The following MYH8 variants were observed in gnomAD, a reference collection of about 807,000 sequenced individuals.
MYH8 encodes myosin-8.
MYH8 carries 168 observed loss-of-function variants against 233.2 expected under a neutral mutation model. That is an observed-to-expected ratio of 0.72 (90% CI 0.64 to 0.82). The LOEUF (loss-of-function observed/expected upper bound fraction) is 0.82, where lower values mean the gene tolerates loss of function less well. MYH8 is among the 40% of genes least tolerant of loss of function. The pLI, the probability that MYH8 is intolerant of heterozygous loss-of-function variation, is 0.00. For missense variants in MYH8, 1,995 were observed against 2,327.8 expected, an observed-to-expected ratio of 0.86 and a Z score of 2.94; for synonymous variants, 785 against 850.6, an observed-to-expected ratio of 0.92 and a Z score of 1.34.
At position 10,396,315 on chromosome 17, in the gene MYH8, C is replaced by T. The variant is rs200656694; in HGVS notation, c.4653+15G>A. On this transcript the variant is annotated intron_variant, in intron 33 of 39. Coordinates refer to ENST00000403437, the MANE Select transcript of MYH8 (RefSeq NM_002472.3). This position sits in a 1 kb window ranked among gnomAD's most constrained non-coding sequence, Gnocchi z 4.2. Reference sequence around the variant, plus strand: ...GTCTTTGTTTTTCCATAACATAATACAAGGTAATATGTACCTCTGCTTCCT... The same window carrying T: ...GTCTTTGTTTTTCCATAACATAATATAAGGTAATATGTACCTCTGCTTCCT... 2 of 1,613,488 alleles carry T rather than the reference C, an allele frequency of 1.2e-6. No homozygotes were observed. Among genetic ancestry groups the T allele is most frequent in the East Asian group, 4.5e-5 (2 of 44,876 alleles).
Position 10,409,427 on chromosome 17 carries a change from A to C in MYH8, c.1749T>G (p.Ile583Met). 1.9e-6 allele frequency: 3 copies of C among 1,614,222 alleles called. No individual in the cohort carries two copies. Among genetic ancestry groups the C allele is most frequent in the Non-Finnish European group, 2.5e-6 (3 of 1,180,046 alleles). Residue 583 changes from isoleucine (I) to methionine (M), a missense_variant, in exon 16 of 40, where the codon ATT becomes ATG. Transcript: ENST00000403437. ...TGTAGTCCACAGTGCCAGCATAGTG[A>C]ATCAGAGAGAAGTGGGCCTCAGCCT... ...KGKAEAHFSL[I>M]HYAGTVDYNI...
At chr17:10,402,054 C>T (rs2072148127) in intron 22 of MYH8, among the ~76,000 whole-genome samples, 1 of 152,102 alleles carries the variant, frequency 6.6e-6, no homozygotes, top group South Asian at 2.1e-4. Context: ...AGTGGAAAGA[C>T]CTCTAAATCG....
In MYH8 at chr17:10,398,649, G is replaced by A; in HGVS notation, c.3982-9C>T. On this transcript the variant is annotated splice_polypyrimidine_tract_variant and intron_variant, in intron 29 of 39. Coordinates refer to ENST00000403437, the MANE Select transcript of MYH8 (RefSeq NM_002472.3). The stretch of plus-strand genomic sequence containing the variant: ...GCCAGGGCGTTCTTGGCCTGCAGAA[G>A]TAGCAGTTCAGTGACATAAATTCAT... 1 of 1,614,216 alleles carries A rather than the reference G, an allele frequency of 6.2e-7. No homozygotes were observed. Among genetic ancestry groups the A allele is most frequent in the Non-Finnish European group, 8.5e-7 (1 of 1,180,046 alleles).
At position 10,398,809 on chromosome 17, in the gene MYH8, G is replaced by A. The variant is rs1378429212; in HGVS notation, c.3940C>T (p.Gln1314Ter). ...LSRSKQASTQQIEELKHQLEE... is the reference protein window; with the variant it reads ...LSRSKQASTQ The stretch of plus-strand genomic sequence containing the variant: ...AGTTGATGTTTCAGCTCTTCAATCT[G>A]CTGAGTAGATGCTTGCTTGCTCCTT... The change falls in exon 29 of 40, where the codon CAG becomes TAG. Residue 1314 changes from glutamine (Q) to a stop codon, truncating the protein, a stop_gained. Transcript: ENST00000403437. LOFTEE classifies it high-confidence loss of function. The A allele has an allele frequency of 6.2e-7, 1 of 1,613,864 alleles. No individual in the cohort carries two copies. The highest frequency in any genetic ancestry group is 2.2e-5 in the East Asian group (1 of 44,894).
Position 10,406,169 on chromosome 17 carries a change from G to C in MYH8, c.2304C>G (p.Phe768Leu), listed in dbSNP as rs775934311. The C allele has an allele frequency of 6.2e-7, 1 of 1,614,024 alleles. No homozygotes were observed. The highest frequency in any genetic ancestry group is 8.5e-7 in the Non-Finnish European group (1 of 1,179,990). Residue 768 changes from phenylalanine to leucine, a missense_variant, in exon 21 of 40, where the codon TTC becomes TTG. Around this residue, in one of 3 missense-constraint regions of MYH8, gnomAD observed 1,498 missense variants for 1,680.9 expected, o/e 0.89. Transcript: ENST00000403437. ...CCAGAAGACCCAGAAGTCCAGCTTT[G>C]AAGAAAACCTGGAGAAAGAGAGAGT... ...QYKFGHTKVF[F>L]KAGLLGLLEE... is the part of the protein sequence containing the mutation.
intron 35 of MYH8, among the ~76,000 whole-genome samples, chr17:10,393,927 CT>C (rs1250395517): frequency 1.4e-5 from 2 of 142,152 alleles, no homozygotes; most frequent in Non-Finnish European, 3.0e-5. Flanking sequence ...CAATAGTATT[CT>C]ACCTCATGGT....
Position 10,396,335 on chromosome 17 carries a change from C to T in MYH8, c.4648G>A (p.Ala1550Thr). 1.2e-6 allele frequency: 2 copies of T among 1,613,976 alleles called. No homozygotes were observed. The highest frequency in any genetic ancestry group is 1.7e-6 in the Non-Finnish European group (2 of 1,180,000). Reference sequence around the variant, plus strand: ...TAATACAAGGTAATATGTACCTCTGCTTCCTCTAAAGCAGCCTGAATTTCA... The same window carrying T: ...TAATACAAGGTAATATGTACCTCTGTTTCCTCTAAAGCAGCCTGAATTTCA... ...KCEIQAALEE[A>T]EASLEHEEGK... is the part of the protein sequence containing the mutation. Residue 1550 changes from alanine (A) to threonine (T), a missense_variant, in exon 33 of 40, where the codon GCA (alanine) becomes ACA (threonine). This residue lies in a region of MYH8 where 1,498 missense variants were observed against 1,680.9 expected (regional missense o/e 0.89). Coordinates refer to ENST00000403437, the MANE Select transcript of MYH8 (RefSeq NM_002472.3). This position sits in a 1 kb window ranked among gnomAD's most constrained non-coding sequence, Gnocchi z 4.2.
At chr17:10,412,042 C>T (rs1476246380) in intron 14 of MYH8, among the ~76,000 whole-genome samples, 1 of 152,136 alleles carries the variant, frequency 6.6e-6, no homozygotes, top group Non-Finnish European at 1.5e-5. Context: ...TTGTCTTATG[C>T]ACCTGTGGGA....
Position 10,401,363 on chromosome 17 carries a change from TG to T in MYH8, c.3019del (p.Gln1007SerfsTer17), listed in dbSNP as rs750008371. 195 of 1,614,050 alleles carry T rather than the reference TG, an allele frequency of 1.2e-4. No individual in the cohort carries two copies. Among genetic ancestry groups the T allele is most frequent in the Admixed American group, 2.3e-4 (14 of 59,994 alleles). On this transcript the variant is annotated frameshift_variant, in exon 24 of 40. Coordinates refer to ENST00000403437, the MANE Select transcript of MYH8 (RefSeq NM_002472.3). LOFTEE classifies it high-confidence loss of function. The stretch of plus-strand genomic sequence containing the variant: ...TGCCTGCAGGTCATCCAGGGTCTGC[TG>T]GTGGGTCTCTTGGAGAGCCTTCTTC... ...KEKKALQETHQQTLDDLQAEE... is the reference protein window; with the variant it reads ...KEKKALQETHXQTLDDLQAEE...
rs755926476 is a variant in MYH8 at position 10,412,727 on chromosome 17, G to A, written c.1149C>T (p.Val383=). 1.6e-5 allele frequency: 25 copies of A among 1,607,622 alleles called. No homozygotes were observed. In the South Asian group the frequency reaches 1.8e-4, roughly 11 times the overall value. ...EEQAEPDGTE[V]ADKAAYLQSL... is the part of the protein sequence containing the mutation. ...TCTGGAGATAGGCTGCCTTGTCAGC[G>A]ACTGCAGAGACACAGTTCAGGACAT... The change falls in exon 13 of 40, where the codon GTC becomes GTT. Residue 383 remains valine (V), a splice_region_variant and synonymous_variant. Coordinates refer to ENST00000403437, the MANE Select transcript of MYH8 (RefSeq NM_002472.3).
At chr17:10,416,396 A>G (rs561748081) in intron 5 of MYH8, among the ~76,000 whole-genome samples, 1 of 152,298 alleles carries the variant, frequency 6.6e-6, no homozygotes, top group East Asian at 1.9e-4. Context: ...GCTATTGTAA[A>G]TAATGCTGCT....
chr17:10,400,686 C>G lies in MYH8; in HGVS notation c.3439G>C (p.Glu1147Gln), dbSNP rs2072131155. The G allele has an allele frequency of 6.2e-7, 1 of 1,614,196 alleles. No homozygotes were observed. Reference protein sequence around the residue: ...KQRSDLSRELEEISERLEEAG... With the variant: ...KQRSDLSRELQEISERLEEAG... Reference sequence around the variant, plus strand: ...TCTTCCAGCCTCTCGCTGATCTCCTCCAGTTCCCGGGAGAGGTCAGAGCGC... The same window carrying G: ...TCTTCCAGCCTCTCGCTGATCTCCTGCAGTTCCCGGGAGAGGTCAGAGCGC... Residue 1147 changes from glutamate to glutamine, a missense_variant, in exon 27 of 40, where the codon GAG (glutamate) becomes CAG (glutamine). This residue lies in a region of MYH8 where 1,498 missense variants were observed against 1,680.9 expected (regional missense o/e 0.89). Coordinates refer to ENST00000403437, the MANE Select transcript of MYH8 (RefSeq NM_002472.3). The surrounding 1 kb of genome is among the most constrained non-coding windows in gnomAD (Gnocchi z 4.0).
rs943142697 is a variant in MYH8 at position 10,396,220 on chromosome 17, C to G, written c.4653+110G>C. 28 of 1,297,218 alleles carry G rather than the reference C, an allele frequency of 2.2e-5. No homozygotes were observed. Among genetic ancestry groups the G allele is most frequent in the African/African-American group, 2.9e-5 (2 of 68,168 alleles). 80.4% of individuals were successfully genotyped at this position (1,297,218 alleles called of 1,614,324 possible). ...TTTTAAGGATTTTGATAACTATTGC[C>G]AAGTTGTCCTTCATAAAGATCCTGT... On this transcript the variant is annotated intron_variant, in intron 33 of 39. Coordinates refer to ENST00000403437, the MANE Select transcript of MYH8 (RefSeq NM_002472.3). This position sits in a 1 kb window ranked among gnomAD's most constrained non-coding sequence, Gnocchi z 4.2.
rs913728455 is a variant in MYH8 at position 10,406,570 on chromosome 17, C to T, written c.2171+120G>A. 12 of 1,340,676 alleles carry T rather than the reference C, an allele frequency of 9.0e-6. No homozygotes were observed. The South Asian group carries it at 1.3e-4, about 14-fold the overall frequency. 83.0% of individuals were successfully genotyped at this position (1,340,676 alleles called of 1,614,324 possible). ...ATGATTTTCTGTTGCATGCCTGCTTCCTGTTATCCTTCTAACCTGTTGTAT... is the reference window on the plus strand; with the variant it reads ...ATGATTTTCTGTTGCATGCCTGCTTTCTGTTATCCTTCTAACCTGTTGTAT... On this transcript the variant is annotated intron_variant, in intron 19 of 39. Transcript: ENST00000403437.
chr17:10,398,886 C>T lies in MYH8; in HGVS notation c.3863G>A (p.Gly1288Asp), dbSNP rs2072105062. ...CTCATCTAATTGTCGAGAATATTCA[C>T]CTAGGAATAATAGACATAAGGGAAT... ...AQRARLQTEA[G>D]EYSRQLDEKD... The change falls in exon 29 of 40, where the codon GGT (glycine) becomes GAT (aspartate). Residue 1288 changes from glycine (G) to aspartate (D), a missense_variant and splice_region_variant. Transcript: ENST00000403437. The T allele has an allele frequency of 2.5e-6, 4 of 1,610,094 alleles. No homozygotes were observed. The highest frequency in any genetic ancestry group is 2.2e-5 in the South Asian group (2 of 91,022).
chr17:10,404,949 T>C (rs1384216017), intron 21 of MYH8, among the ~76,000 whole-genome samples: 1 of 152,112 alleles, frequency 6.6e-6, no homozygotes, highest in Non-Finnish European at 1.5e-5. Flanking sequence ...GTATTAGTGA[T>C]TTGAGGGTGG....
Position 10,392,988 on chromosome 17 carries a change from G to A in MYH8, c.5306C>T (p.Ala1769Val). 6.2e-7 allele frequency: 1 copy of A among 1,614,136 alleles called. No homozygotes were observed. Among genetic ancestry groups the A allele is most frequent in the South Asian group, 1.1e-5 (1 of 91,082 alleles). The change falls in exon 37 of 40, where the codon GCT (alanine) becomes GTT (valine). Residue 1769 changes from alanine to valine, a missense_variant. This residue lies in a region of MYH8 where 1,498 missense variants were observed against 1,680.9 expected (regional missense o/e 0.89). Coordinates refer to ENST00000403437, the MANE Select transcript of MYH8 (RefSeq NM_002472.3). ...KKAITDAAMM[A>V]EELKKEQDTS... Reference sequence around the variant, plus strand: ...GTCCTGTTCCTTCTTCAGCTCCTCAGCCATCATGGCAGCCTATTTAGGAAA... The same window carrying A: ...GTCCTGTTCCTTCTTCAGCTCCTCAACCATCATGGCAGCCTATTTAGGAAA...
intron 38 of MYH8, 51 bp downstream of exon 38, chr17:10,392,491 A>G (rs538855586): frequency 1.4e-5 from 21 of 1,517,854 alleles, no homozygotes; most frequent in Non-Finnish European, 1.8e-5. Context: ...AAGGTTTTCA[A>G]TTTCCTTCTG....
In MYH8 at chr17:10,412,625, G is replaced by C; in HGVS notation, c.1251C>G (p.Gly417=). The C allele has an allele frequency of 1.2e-6, 2 of 1,614,236 alleles. No individual in the cohort carries two copies. Among genetic ancestry groups the C allele is most frequent in the Non-Finnish European group, 1.7e-6 (2 of 1,180,044 alleles). Residue 417 remains glycine (G), a synonymous_variant, in exon 13 of 40, where the codon GGC becomes GGG. Coordinates refer to ENST00000403437, the MANE Select transcript of MYH8 (RefSeq NM_002472.3). ...ATGCACTTACCTGCTGCACAGTCTGGCCTTTGGTGACATACTCATTGCCAA... is the reference window on the plus strand; with the variant it reads ...ATGCACTTACCTGCTGCACAGTCTGCCCTTTGGTGACATACTCATTGCCAA... ...VKVGNEYVTK[G]QTVQQVYNAV... is the part of the protein sequence containing the mutation.
Sources: gnomAD v4.1 joint callset for allele counts (sites outside exome capture counted in the v4.1 genomes callset) on GRCh38, gnomAD v4.1.1 for gene constraint, gnomAD v4.1.1 regional missense constraint, Gnocchi (gnomAD v3.1) non-coding constraint, MANE v1.5 for transcripts, NCBI Gene and HGNC (gene_info 2026-07-23, HGNC 2026-07-21) for gene names.